DCC: variants seen among roughly 807,000 people sequenced by gnomAD.
The protein encoded by DCC is DCC netrin 1 receptor.
In DCC, 58 loss-of-function variants were observed where a neutral mutation model predicts 172.5. The observed-to-expected ratio is 0.34, with a 90% CI of 0.27 to 0.42. The LOEUF (loss-of-function observed/expected upper bound fraction) is 0.42, where lower values mean the gene tolerates loss of function less well. DCC is among the 10% of genes least tolerant of loss of function. The pLI, the probability that DCC is intolerant of heterozygous loss-of-function variation, is 1.00. For synonymous variants in DCC, 709 were observed against 644.5 expected (o/e 1.10, Z -1.52); for missense variants, 1,740 against 1,791.0 (o/e 0.97, Z 0.51).
intron 18 of DCC, among the ~76,000 whole-genome samples, chr18:53,401,017 T>C (rs1457385270): frequency 6.6e-6 from 1 of 152,172 alleles, no homozygotes; most frequent in Non-Finnish European, 1.5e-5. Context: ...ATCTAAGTTA[T>C]TTTGTGACTA....
At chr18:52,623,230 AGTT>A (rs543480665) in intron 1 of DCC, among the ~76,000 whole-genome samples, 1 of 152,362 alleles carries the variant, frequency 6.6e-6, no homozygotes, top group South Asian at 2.1e-4. Flanking sequence ...ACTACAGGAC[AGTT>A]AAATATTTTC....
At chr18:53,413,507 A>G (rs564479359) in intron 20 of DCC, among the ~76,000 whole-genome samples, 1 of 152,324 alleles carries the variant, frequency 6.6e-6, no homozygotes, top group South Asian at 2.1e-4. Flanking sequence ...TCTTCAGTAG[A>G]TAACATTTTG....
At chr18:52,934,671 T>C (rs1011328036) in intron 5 of DCC, 1 of 152,134 alleles carries the variant, frequency 6.6e-6, no homozygotes, top group African/African-American at 2.4e-5. Flanking sequence ...ACCCCCAATG[T>C]GACTGTATTT....
intron 27 of DCC, among the ~76,000 whole-genome samples, chr18:53,520,132 G>A (rs1204408212): frequency 1.3e-5 from 2 of 152,210 alleles, no homozygotes; most frequent in African/African-American, 2.4e-5. Flanking sequence ...CTCCCAGGAA[G>A]TGTGGCAATG....
At chr18:52,660,098 C>T (rs1457490001) in intron 1 of DCC, among the ~76,000 whole-genome samples, 2 of 152,110 alleles carry the variant, frequency 1.3e-5, no homozygotes, top group Non-Finnish European at 2.9e-5. Flanking sequence ...TCTAGATTCT[C>T]ACTTCAATGT....
chr18:52,748,759 G>T (rs896165170), intron 1 of DCC, among the ~76,000 whole-genome samples: 2 of 152,364 alleles, frequency 1.3e-5, no homozygotes, highest in East Asian at 3.9e-4. Flanking sequence ...AAGTTTTACT[G>T]AGTGACAGAA....
At chr18:53,325,196 CAAAA>C (rs750007696) in intron 14 of DCC, among the ~76,000 whole-genome samples, 1 of 65,110 alleles carries the variant, frequency 1.5e-5, no homozygotes, top group Admixed American at 2.0e-4. Context: ...GACTCCATCT[CAAAA>C]AAAAAAAAAA....
In DCC at chr18:52,543,366, T is replaced by C. The variant is rs77040699; in HGVS notation, c.91+202488T>C. Among the ~76,000 whole-genome samples the C allele has an allele frequency of 7.6e-3, 1,157 of 152,304 alleles. 7 individuals are homozygous for C. The highest frequency in any genetic ancestry group is 0.017 in the Middle Eastern group (5 of 294). ...CTAAGCCTTCAAAATTCAGGGTGTA[T>C]TTTACACTTAACAGCTCTTCTCAAT... is the stretch of plus-strand genomic sequence containing the variant. On this transcript the variant is annotated intron_variant, in intron 1 of 28. Transcript: ENST00000442544.
intron 5 of DCC, among the ~76,000 whole-genome samples, chr18:53,040,778 C>T (rs1297398900): frequency 6.6e-6 from 1 of 151,718 alleles, no homozygotes; most frequent in African/African-American, 2.4e-5. Flanking sequence ...TGGACATGAG[C>T]AAATTTGAAG....
intron 5 of DCC, among the ~76,000 whole-genome samples, chr18:53,027,255 C>T (rs1441637300): frequency 6.6e-6 from 1 of 152,064 alleles, no homozygotes; most frequent in Non-Finnish European, 1.5e-5. Flanking sequence ...TTTATAGGGA[C>T]ACTGGAGTAA....
intron 2 of DCC, among the ~76,000 whole-genome samples, chr18:52,760,909 G>T (rs535632749): frequency 6.6e-4 from 100 of 152,264 alleles, no homozygotes; most frequent in African/African-American, 2.4e-3. Context: ...AGTATATATA[G>T]ATGAAAGTAA....
chr18:52,468,854 G>C (rs982574184), intron 1 of DCC, among the ~76,000 whole-genome samples: 2 of 152,008 alleles, frequency 1.3e-5, no homozygotes, highest in African/African-American at 4.8e-5. Flanking sequence ...TAAAAGTAAA[G>C]TGTGTTCTTG....
intron 1 of DCC, among the ~76,000 whole-genome samples, chr18:52,525,432 C>T (rs911965123): frequency 6.6e-6 from 1 of 152,168 alleles, no homozygotes; most frequent in African/African-American, 2.4e-5. Context: ...GCCTGTGGGC[C>T]AAATCCAGCC....
intron 1 of DCC, among the ~76,000 whole-genome samples, chr18:52,748,131 C>G (rs563397017): frequency 1.1e-4 from 17 of 152,302 alleles, no homozygotes; most frequent in Middle Eastern, 3.4e-3. Context: ...CAGCCACCAC[C>G]GCACAGAGCC....
intron 9 of DCC, among the ~76,000 whole-genome samples, chr18:53,186,190 TAGAA>T (rs1323387018): frequency 6.6e-6 from 1 of 152,172 alleles, no homozygotes; most frequent in African/African-American, 2.4e-5. Context: ...AGAAATTGCA[TAGAA>T]AGAAAGCTAA....
intron 2 of DCC, among the ~76,000 whole-genome samples, chr18:52,802,428 A>G (rs2038007179): frequency 6.6e-6 from 1 of 151,586 alleles, no homozygotes; most frequent in African/African-American, 2.4e-5. Flanking sequence ...AGGGTTAGCC[A>G]TGCCAACCCC....
intron 5 of DCC, among the ~76,000 whole-genome samples, chr18:52,983,860 T>C (rs72928193): frequency 0.057 from 8,624 of 152,152 alleles, 412 homozygotes; most frequent in East Asian, 0.21. Context: ...AAATAAGATA[T>C]GTATCAGCTG....
intron 14 of DCC, among the ~76,000 whole-genome samples, chr18:53,326,896 A>C (rs1295697774): frequency 6.6e-6 from 1 of 152,180 alleles, no homozygotes; most frequent in Non-Finnish European, 1.5e-5. Context: ...TTGGAAGGTA[A>C]CTGCATCATT....
intron 1 of DCC, among the ~76,000 whole-genome samples, chr18:52,677,738 A>G (rs535883375): frequency 6.6e-6 from 1 of 152,198 alleles, no homozygotes; most frequent in East Asian, 1.9e-4. Context: ...GAAGAAAAAA[A>G]ATTTCTTTCT....
Sources: allele counts gnomAD v4.1 joint callset (sites outside exome capture counted in the v4.1 genomes callset), GRCh38; gene constraint gnomAD v4.1.1; transcripts MANE v1.5; gene names NCBI Gene and HGNC (gene_info 2026-07-23, HGNC 2026-07-21).